Variants in DPP10 observed in about 807,000 individuals in gnomAD.
DPP10 encodes inactive dipeptidyl peptidase 10.
Under a neutral mutation model 120.9 loss-of-function variants are expected in DPP10, and 33 were observed. That is an observed-to-expected ratio of 0.27 (90% CI 0.21 to 0.37). The LOEUF is 0.37. Among genes scored for constraint, DPP10 ranks in the 10% least tolerant of loss-of-function variants. The pLI is 1.00. For missense variants in DPP10, 816 were observed against 942.8 expected, an observed-to-expected ratio of 0.87 and a Z score of 1.76; for synonymous variants, 337 against 326.1, an observed-to-expected ratio of 1.03 and a Z score of -0.36.
intron 1 of DPP10, among the ~76,000 whole-genome samples, chr2:114,701,690 A>G (rs1211066534): frequency 2.6e-5 from 4 of 152,100 alleles, no homozygotes; most frequent in African/African-American, 9.7e-5. Context: ...ACCCAGGAAA[A>G]ACGAGTGCCA....
chr2:114,655,658 T>C (rs572748819), intron 1 of DPP10, among the ~76,000 whole-genome samples: 5 of 152,326 alleles, frequency 3.3e-5, no homozygotes, highest in African/African-American at 1.2e-4. Flanking sequence ...TAACTTCTTT[T>C]CTTAGTCAAC....
chr2:114,476,117 T>G (rs556677969), intron 1 of DPP10, among the ~76,000 whole-genome samples: 11 of 152,342 alleles, frequency 7.2e-5, no homozygotes, highest in South Asian at 6.2e-4. Context: ...ACCCCTTGAA[T>G]CTATCATTCC....
chr2:115,299,230 A>T (rs902496510), intron 1 of DPP10, among the ~76,000 whole-genome samples: 1 of 152,078 alleles, frequency 6.6e-6, no homozygotes, highest in Admixed American at 6.6e-5. Context: ...TATGGATAAT[A>T]TAAAAAGTGG....
At chr2:114,568,199 T>C (rs978418393) in intron 1 of DPP10, among the ~76,000 whole-genome samples, 10 of 152,100 alleles carry the variant, frequency 6.6e-5, no homozygotes, top group Non-Finnish European at 1.3e-4. Context: ...TTTTATATAT[T>C]TATGGGGGCA....
intron 1 of DPP10, among the ~76,000 whole-genome samples, chr2:114,963,632 G>A (rs1288379929): frequency 1.3e-5 from 2 of 152,172 alleles, no homozygotes; most frequent in African/African-American, 4.8e-5. Flanking sequence ...GCAGCAGAAA[G>A]CAAAGAGATT....
intron 21 of DPP10, among the ~76,000 whole-genome samples, chr2:115,832,389 C>T (rs1055638869): frequency 2.0e-5 from 3 of 152,094 alleles, no homozygotes; most frequent in African/African-American, 4.8e-5. Flanking sequence ...ACTCAGGAGG[C>T]GGAAGTGGGA....
chr2:114,714,617 A>G (rs1574027014), intron 1 of DPP10, among the ~76,000 whole-genome samples: 1 of 152,264 alleles, frequency 6.6e-6, no homozygotes, highest in East Asian at 1.9e-4. Flanking sequence ...TTCTTGAACC[A>G]AGTTCTAGTT....
At chr2:115,248,503 C>T (rs1166521180) in intron 1 of DPP10, among the ~76,000 whole-genome samples, 2 of 151,998 alleles carry the variant, frequency 1.3e-5, no homozygotes, top group Admixed American at 6.6e-5. Context: ...TCAGATTAGG[C>T]TACCAATTGG....
intron 18 of DPP10, 34 bp downstream of exon 18, chr2:115,791,213 C>G: frequency 6.2e-7 from 1 of 1,606,312 alleles, no homozygotes; most frequent in South Asian, 1.1e-5. Flanking sequence ...TATTCAAGAA[C>G]AACTTTCTCT....
intron 19 of DPP10, among the ~76,000 whole-genome samples, chr2:115,794,009 G>C (rs1023420703): frequency 6.6e-6 from 1 of 152,058 alleles, no homozygotes; most frequent in Non-Finnish European, 1.5e-5. Flanking sequence ...ATGATTTAAA[G>C]CCATATTTTT....
intron 1 of DPP10, among the ~76,000 whole-genome samples, chr2:115,121,329 G>T (rs1324930139): frequency 1.3e-5 from 2 of 152,176 alleles, no homozygotes; most frequent in Admixed American, 1.3e-4. Flanking sequence ...TACCCAACAG[G>T]ATTTGGAGGA....
At chr2:115,161,215 C>T (rs2052301466) in intron 1 of DPP10, 1 of 152,336 alleles carries the variant, frequency 6.6e-6, no homozygotes. Flanking sequence ...CGCAGCACCT[C>T]AGGCCACAAT....
intron 1 of DPP10, among the ~76,000 whole-genome samples, chr2:115,262,952 A>C (rs1319231207): frequency 2.0e-5 from 3 of 152,166 alleles, no homozygotes; most frequent in African/African-American, 7.2e-5. Flanking sequence ...TAAGCATCCT[A>C]CATTTATACC....
intron 1 of DPP10, among the ~76,000 whole-genome samples, chr2:114,444,284 A>G (rs575786694): frequency 6.6e-6 from 1 of 152,204 alleles, no homozygotes; most frequent in Non-Finnish European, 1.5e-5. Context: ...GAACAAAGCC[A>G]AAATAGTAAA....
intron 3 of DPP10, among the ~76,000 whole-genome samples, chr2:115,467,415 A>G (rs566095853): frequency 2.6e-5 from 4 of 152,090 alleles, no homozygotes; most frequent in African/African-American, 9.6e-5. Context: ...CATCTCTACT[A>G]AAAATACGAA....
At chr2:115,494,218 A>G (rs2076276116) in intron 3 of DPP10, among the ~76,000 whole-genome samples, 1 of 152,172 alleles carries the variant, frequency 6.6e-6, no homozygotes, top group Admixed American at 6.5e-5. Flanking sequence ...GCTGGATTAC[A>G]AGCATGAGCC....
intron 3 of DPP10, among the ~76,000 whole-genome samples, chr2:115,377,890 C>T (rs1197597673): frequency 6.6e-6 from 1 of 152,094 alleles, no homozygotes; most frequent in Non-Finnish European, 1.5e-5. Flanking sequence ...TCTGAGGGCT[C>T]TGTTCTGTTC....
intron 1 of DPP10, among the ~76,000 whole-genome samples, chr2:115,137,897 C>T (rs1011008626): frequency 2.0e-5 from 3 of 152,082 alleles, no homozygotes; most frequent in African/African-American, 4.8e-5. Flanking sequence ...AGTATTCCCA[C>T]CAGGTCACAT....
intron 1 of DPP10, among the ~76,000 whole-genome samples, chr2:115,249,721 A>C (rs2058676572): frequency 1.3e-5 from 2 of 152,104 alleles, no homozygotes; most frequent in African/African-American, 4.8e-5. Context: ...ACAGACTATC[A>C]GAATTAAGGG....
Sources: gnomAD v4.1 joint callset for allele counts (sites outside exome capture counted in the v4.1 genomes callset) on GRCh38, gnomAD v4.1.1 for gene constraint, MANE v1.5 for transcripts, NCBI Gene and HGNC (gene_info 2026-07-23, HGNC 2026-07-21) for gene names.